Variants in ZFYVE16 observed in about 807,000 individuals in gnomAD.
ZFYVE16 encodes zinc finger FYVE domain-containing protein 16.
ZFYVE16 carries 89 observed loss-of-function variants against 138.1 expected under a neutral mutation model. The observed-to-expected ratio is 0.64, with a 90% CI of 0.54 to 0.77. ZFYVE16 has a LOEUF of 0.77. Ranked by LOEUF, ZFYVE16 falls within the 30% of genes least tolerant of loss-of-function variation. The pLI is 0.00. For synonymous variants in ZFYVE16, 596 were observed against 618.3 expected (o/e 0.96, Z 0.53); for missense variants, 1,793 against 1,786.7 (o/e 1.00, Z -0.06).
rs746662406 is a variant in ZFYVE16 at position 80,436,781 on chromosome 5, AC to A, written c.97del (p.Gln33LysfsTer48). ...ATGAACAAGATTATCTCCAAGATGT[AC>A]AAAATGCATATGATTCTAACCACTG... ...PDEQDYLQDV[Q>X]NAYDSNHCSV... On this transcript the variant is annotated frameshift_variant, in exon 4 of 19. Coordinates refer to ENST00000505560, the MANE Select transcript of ZFYVE16 (RefSeq NM_001284236.3). LOFTEE classifies it high-confidence loss of function. The A allele has an allele frequency of 6.2e-7, 1 of 1,613,388 alleles. No homozygotes were observed. The highest frequency in any genetic ancestry group is 2.2e-5 in the East Asian group (1 of 44,864).
At chr5:80,430,097 C>T (rs1748766562) in intron 2 of ZFYVE16, among the ~76,000 whole-genome samples, 1 of 152,210 alleles carries the variant, frequency 6.6e-6, no homozygotes, top group Non-Finnish European at 1.5e-5. Context: ...ACGTAATAGA[C>T]ATCTACCGAA....
Position 80,445,270 on chromosome 5 carries a change from T to C in ZFYVE16, c.2589T>C (p.Cys863=), listed in dbSNP as rs1751176225. The C allele has an allele frequency of 3.7e-6, 6 of 1,612,540 alleles. No homozygotes were observed. Among genetic ancestry groups the C allele is most frequent in the Middle Eastern group, 1.6e-4 (1 of 6,074 alleles). ...TTTTTCAATTGATTCTAGGACTATG[T>C]TCCAAAGAACAGAAGAGAGTATGGT... ...ALKQPGVEGL[C]SKEQKRVWFA... The change falls in exon 7 of 19, where the codon TGT becomes TGC. Residue 863 remains cysteine, a synonymous_variant. Transcript: ENST00000505560.
chr5:80,474,951 T>C, intron 18 of ZFYVE16, 121 bp downstream of exon 18: 2 of 1,040,706 alleles, frequency 1.9e-6, no homozygotes, highest in East Asian at 2.6e-5. Flanking sequence ...AAATGTGTGC[T>C]ACACACTTCA....
chr5:80,443,846 T>C (rs1561287904), intron 6 of ZFYVE16: 1 of 456,248 alleles, frequency 2.2e-6, no homozygotes, highest in South Asian at 1.5e-5. Context: ...AGTCTGGGAA[T>C]TGCACTTTCC....
intron 1 of ZFYVE16, among the ~76,000 whole-genome samples, chr5:80,421,677 G>T (rs188172829): frequency 6.6e-6 from 1 of 152,050 alleles, no homozygotes; most frequent in East Asian, 1.9e-4. Flanking sequence ...TACCAGTACC[G>T]TGCTGTTTTG....
chr5:80,442,279 A>G (rs1750796520), intron 5 of ZFYVE16, among the ~76,000 whole-genome samples: 1 of 151,972 alleles, frequency 6.6e-6, no homozygotes, highest in African/African-American at 2.4e-5. Context: ...AATTTTTTGT[A>G]TTTATGGTAG....
Position 80,481,576 on chromosome 5 carries a change from G to A in ZFYVE16, c.*4199G>A, listed in dbSNP as rs1401603790. On this transcript the variant is annotated 3_prime_UTR_variant, in exon 19 of 19. Coordinates refer to ENST00000505560, the MANE Select transcript of ZFYVE16 (RefSeq NM_001284236.3). ...CCACCAAAAAAAGTGGCCAGGATGT[G>A]TGCTCTGAAACTTAACTGAATTGAT... Among the ~76,000 whole-genome samples the A allele has an allele frequency of 6.6e-6, 1 of 152,010 alleles. No homozygotes were observed. Among genetic ancestry groups the A allele is most frequent in the Non-Finnish European group, 1.5e-5 (1 of 68,018 alleles).
intron 3 of ZFYVE16, among the ~76,000 whole-genome samples, chr5:80,434,567 C>T (rs1489880300): frequency 6.6e-6 from 1 of 152,136 alleles, no homozygotes; most frequent in Non-Finnish European, 1.5e-5. Flanking sequence ...GCCTCAACCC[C>T]CGAGGCTCAA....
chr5:80,450,594 AT>A lies in ZFYVE16; in HGVS notation c.3382+12del. 6.2e-7 allele frequency: 1 copy of A among 1,612,460 alleles called. No individual in the cohort carries two copies. Among genetic ancestry groups the A allele is most frequent in the Non-Finnish European group, 8.5e-7 (1 of 1,179,302 alleles). On this transcript the variant is annotated intron_variant, in intron 10 of 18. Transcript: ENST00000505560. ...ATAAGGATGCTCTAAAAGGTATGGC[AT>A]TTTATTTTGAACTGTTCAGACTGGG...
intron 5 of ZFYVE16, chr5:80,441,980 A>T: frequency 1.1e-6 from 1 of 905,716 alleles, no homozygotes; most frequent in Non-Finnish European, 1.3e-6. Context: ...CTATATTCTC[A>T]TGAAATTTAT....
At chr5:80,466,277 C>G (rs1028238652) in intron 15 of ZFYVE16, among the ~76,000 whole-genome samples, 1 of 152,112 alleles carries the variant, frequency 6.6e-6, no homozygotes, top group Non-Finnish European at 1.5e-5. Flanking sequence ...AGGGTCTGTT[C>G]ATTTTTCTTC....
At chr5:80,430,326 C>G (rs1311634512) in intron 2 of ZFYVE16, among the ~76,000 whole-genome samples, 2 of 151,680 alleles carry the variant, frequency 1.3e-5, no homozygotes, top group African/African-American at 4.8e-5. Context: ...GAACAACCTG[C>G]TCCTGAATGA....
chr5:80,476,802 AATTGT>A (rs994883265), intron 18 of ZFYVE16, among the ~76,000 whole-genome samples: 1 of 152,210 alleles, frequency 6.6e-6, no homozygotes, highest in African/African-American at 2.4e-5. Context: ...TTTTTTAGCC[AATTGT>A]ATTAAAATGT....
chr5:80,465,986 C>T (rs1753711950), intron 15 of ZFYVE16, among the ~76,000 whole-genome samples: 1 of 151,138 alleles, frequency 6.6e-6, no homozygotes, highest in East Asian at 1.9e-4. Context: ...AGTGCAATGG[C>T]GTGATCCTGA....
At position 80,426,201 on chromosome 5, in the gene ZFYVE16, GGTGTGTGT is replaced by G. The variant is rs67789869; in HGVS notation, c.-93-1270_-93-1263del. ...TATATATATATATATGTGTGTGTGTGGTGTGTGTGTGTGTGTGTGTGTGTGTGTATGTG... is the reference window on the plus strand; with the variant it reads ...TATATATATATATATGTGTGTGTGTGGTGTGTGTGTGTGTGTGTGTATGTG... On this transcript the variant is annotated intron_variant, in intron 1 of 18. Coordinates refer to ENST00000505560, the MANE Select transcript of ZFYVE16 (RefSeq NM_001284236.3). 2.9e-3 allele frequency among the ~76,000 whole-genome samples: 407 copies of G among 139,660 alleles called. 6 individuals carry two copies. Among genetic ancestry groups the G allele is most frequent in the Non-Finnish European group, 4.8e-3 (313 of 65,216 alleles). 91.6% of individuals were successfully genotyped at this position (139,660 alleles called of 152,430 possible).
intron 2 of ZFYVE16, among the ~76,000 whole-genome samples, chr5:80,428,925 G>C (rs940306922): frequency 6.6e-6 from 1 of 152,086 alleles, no homozygotes; most frequent in African/African-American, 2.4e-5. Context: ...AAAAAGAAAC[G>C]AACAAAGCCT....
In ZFYVE16 at chr5:80,438,689, A is replaced by G; in HGVS notation, c.2004A>G (p.Pro668=). The G allele has an allele frequency of 1.2e-6, 2 of 1,614,164 alleles. No individual in the cohort carries two copies. The highest frequency in any genetic ancestry group is 1.7e-6 in the Non-Finnish European group (2 of 1,179,994). ...GGAGTTCAAAGGACCTGAATAAGCC[A>G]GATGTTCCAGATACAATAGAAAGTG... ...RTRSSKDLNK[P]DVPDTIESEP... Residue 668 remains proline (P), a synonymous_variant, in exon 4 of 19, where the codon CCA becomes CCG. Transcript: ENST00000505560.
At chr5:80,472,717 T>C (rs1228613135) in intron 15 of ZFYVE16, 44 bp from the exon 16 acceptor site, 9 of 1,584,710 alleles carry the variant, frequency 5.7e-6, no homozygotes, top group African/African-American at 1.3e-5. Flanking sequence ...GATATACACA[T>C]TGGTATTTGG....
chr5:80,465,400 G>GTTTTTTTTT (rs3072097), intron 15 of ZFYVE16, among the ~76,000 whole-genome samples: 1,162 of 26,760 alleles, frequency 0.043, 351 homozygotes, highest in Middle Eastern at 0.1. Flanking sequence ...CCTTTTCTTT[G>GTTTTTTTTT]TTTTTTTTTT....
Sources: gnomAD v4.1 joint callset for allele counts (sites outside exome capture counted in the v4.1 genomes callset) on GRCh38, gnomAD v4.1.1 for gene constraint, MANE v1.5 for transcripts, NCBI Gene and HGNC (gene_info 2026-07-23, HGNC 2026-07-21) for gene names.